The following GPC4 variants were observed in gnomAD, a reference collection of about 807,000 sequenced individuals.
The protein encoded by GPC4 is glypican-4.
A neutral mutation model predicts 35.0 loss-of-function variants in GPC4; 10 were observed. That is an observed-to-expected ratio of 0.29 (90% confidence interval 0.18 to 0.48). GPC4 has a LOEUF of 0.48. Ranked by LOEUF, GPC4 falls within the 20% of genes least tolerant of loss-of-function variation. The pLI, the probability that GPC4 is intolerant of heterozygous loss-of-function variation, is 0.99. For missense variants in GPC4, 322 were observed against 451.3 expected, an observed-to-expected ratio of 0.71 and a Z score of 2.60; for synonymous variants, 167 against 170.2, an observed-to-expected ratio of 0.98 and a Z score of 0.15.
At chrX:133,359,693 G>T (rs112843280) in intron 1 of GPC4, among the ~76,000 whole-genome samples, 5 of 111,064 alleles carry the variant, frequency 4.5e-5, no homozygotes, top group African/African-American at 1.3e-4. Context: ...CACTGAACTC[G>T]GCAGGTCAGA....
chrX:133,314,617 A>C (rs2068328750), intron 3 of GPC4, among the ~76,000 whole-genome samples: 1 of 111,705 alleles, frequency 9.0e-6, no homozygotes, highest in African/African-American at 3.3e-5. Context: ...GAGATGAGGA[A>C]GTTATAAGAA....
chrX:133,398,379 G>A (rs2068753351), intron 1 of GPC4, among the ~76,000 whole-genome samples: 1 of 111,322 alleles, frequency 9.0e-6, no homozygotes, highest in African/African-American at 3.3e-5. Context: ...TGTACCTCTA[G>A]GTAAAATTGT....
chrX:133,335,350 C>A (rs1372711630), intron 2 of GPC4, among the ~76,000 whole-genome samples: 2 of 111,103 alleles, frequency 1.8e-5, no homozygotes, highest in African/African-American at 6.6e-5. Flanking sequence ...ACACAGAGGC[C>A]AGTCTTTAAA....
intron 1 of GPC4, among the ~76,000 whole-genome samples, chrX:133,360,848 C>A (rs2068564278): frequency 8.9e-6 from 1 of 111,785 alleles, no homozygotes; most frequent in African/African-American, 3.3e-5. Context: ...GCCCTAAGGA[C>A]ATTGCTGCAT....
chrX:133,392,385 C>T (rs1278752093), intron 1 of GPC4, among the ~76,000 whole-genome samples: 1 of 105,312 alleles, frequency 9.5e-6, no homozygotes, highest in Non-Finnish European at 1.9e-5. Flanking sequence ...TATCCCTGAA[C>T]ACCCTGGGAC....
intron 1 of GPC4, among the ~76,000 whole-genome samples, chrX:133,341,731 T>C (rs952934879): frequency 9.1e-6 from 1 of 110,473 alleles, no homozygotes; most frequent in East Asian, 2.9e-4. Flanking sequence ...AGCAAGAAAA[T>C]ACTAAGAGAC....
chrX:133,325,839 GA>G (rs2068390299), intron 2 of GPC4, among the ~76,000 whole-genome samples: 2 of 111,546 alleles, frequency 1.8e-5, no homozygotes, highest in Admixed American at 1.9e-4. Context: ...TCAAAACCTG[GA>G]CTGAGGAAAC....
At chrX:133,409,396 T>C (rs1231725520) in intron 1 of GPC4, among the ~76,000 whole-genome samples, 4 of 99,070 alleles carry the variant, frequency 4.0e-5, no homozygotes, top group Non-Finnish European at 8.0e-5. Flanking sequence ...CAACAGACCA[T>C]GGAATGACAA....
At chrX:133,340,228 C>G (rs991525876) in intron 1 of GPC4, among the ~76,000 whole-genome samples, 9 of 110,368 alleles carry the variant, frequency 8.2e-5, no homozygotes, top group South Asian at 7.8e-4. Flanking sequence ...AGAGTTCCCC[C>G]CCTTGTTCTC....
intron 1 of GPC4, among the ~76,000 whole-genome samples, chrX:133,345,247 T>A (rs1452094744): frequency 8.9e-6 from 1 of 112,111 alleles, no homozygotes; most frequent in Non-Finnish European, 1.9e-5. Flanking sequence ...GAAAGTCAGT[T>A]ATCCACTGGA....
At chrX:133,329,149 G>A (rs1233407520) in intron 2 of GPC4, among the ~76,000 whole-genome samples, 1 of 111,968 alleles carries the variant, frequency 8.9e-6, no homozygotes, top group Non-Finnish European at 1.9e-5. Flanking sequence ...CTCATTTGGG[G>A]ACTGTATGAC....
chrX:133,365,246 A>T (rs2068584976), intron 1 of GPC4, among the ~76,000 whole-genome samples: 1 of 111,395 alleles, frequency 9.0e-6, no homozygotes, highest in Non-Finnish European at 1.9e-5. Flanking sequence ...CTAATTTTTA[A>T]AACTTCATCT....
chrX:133,373,020 T>G (rs746724749), intron 1 of GPC4, among the ~76,000 whole-genome samples: 45 of 111,702 alleles, frequency 4.0e-4, no homozygotes, highest in Non-Finnish European at 7.9e-4. Flanking sequence ...TTCCACATAT[T>G]TTTGGACTGA....
intron 1 of GPC4, among the ~76,000 whole-genome samples, chrX:133,382,611 C>A (rs1478617434): frequency 9.2e-6 from 1 of 108,504 alleles, no homozygotes; most frequent in Non-Finnish European, 1.9e-5. Context: ...CACCTGTAGT[C>A]CCAGCTACTT....
At chrX:133,396,922 T>C (rs1202605234) in intron 1 of GPC4, among the ~76,000 whole-genome samples, 1 of 112,081 alleles carries the variant, frequency 8.9e-6, no homozygotes, top group Non-Finnish European at 1.9e-5. Flanking sequence ...TAGGTGTTAA[T>C]CATTTCCTGA....
chrX:133,382,286 C>T (rs1050152802), intron 1 of GPC4, among the ~76,000 whole-genome samples: 94 of 106,777 alleles, frequency 8.8e-4, no homozygotes, highest in Non-Finnish European at 1.3e-3. Context: ...AATAGCTGGG[C>T]GTGGTGGTGG....
intron 6 of GPC4, among the ~76,000 whole-genome samples, chrX:133,305,224 C>T (rs946088218): frequency 8.9e-6 from 1 of 111,852 alleles, no homozygotes; most frequent in African/African-American, 3.2e-5. Flanking sequence ...TGAAACATAG[C>T]TGCTATTGCT....
At chrX:133,313,740 T>A (rs1424081614) in intron 3 of GPC4, among the ~76,000 whole-genome samples, 1 of 112,104 alleles carries the variant, frequency 8.9e-6, no homozygotes, top group Admixed American at 9.5e-5. Context: ...TTGCTGACAG[T>A]CACCTCACAA....
In GPC4 at chrX:133,326,048, C is replaced by T. The variant is rs1175064239; in HGVS notation, c.320-1512G>A. On this transcript the variant is annotated intron_variant, in intron 2 of 8. Coordinates refer to ENST00000370828, the MANE Select transcript of GPC4 (RefSeq NM_001448.3). ...TTTTTTTTTTTTCTTTGCTTCTCTC[C>T]TTTTCCTTTTATCTAGTTCTTTTCC... Among the ~76,000 whole-genome samples the T allele has an allele frequency of 1.0e-4, 11 of 109,052 alleles. No individual in the cohort carries two copies. The Admixed American group carries it at 1.1e-3, about 11-fold the overall frequency. The allele number at this position is 109,052 out of a possible 115,157, so 94.7% of individuals were successfully genotyped here.
Sources: allele counts gnomAD v4.1 joint callset (sites outside exome capture counted in the v4.1 genomes callset), GRCh38; gene constraint gnomAD v4.1.1; transcripts MANE v1.5; gene names NCBI Gene and HGNC (gene_info 2026-07-23, HGNC 2026-07-21).